DOCK2: variants seen among roughly 807,000 people sequenced by gnomAD.
The protein encoded by DOCK2 is dedicator of cytokinesis 2, also known as dedicator of cytokinesis protein 2.
Under a neutral mutation model 248.9 loss-of-function variants are expected in DOCK2, and 87 were observed. That is an observed-to-expected ratio of 0.35 (90% CI 0.29 to 0.42). The LOEUF (loss-of-function observed/expected upper bound fraction) is 0.42, where lower values mean the gene tolerates loss of function less well. Ranked by LOEUF, DOCK2 falls within the 10% of genes least tolerant of loss-of-function variation. DOCK2 has a pLI of 1.00. For synonymous variants in DOCK2, 805 were observed against 821.6 expected (o/e 0.98, Z 0.35); for missense variants, 1,747 against 2,300.2 (o/e 0.76, Z 4.92).
intron 46 of DOCK2, among the ~76,000 whole-genome samples, chr5:170,070,095 C>A (rs1341162112): frequency 1.3e-5 from 2 of 152,260 alleles, no homozygotes; most frequent in Non-Finnish European, 2.9e-5. Flanking sequence ...CCAGAGCAGC[C>A]CCCTCCTCAG....
intron 22 of DOCK2, among the ~76,000 whole-genome samples, chr5:169,742,276 G>A (rs943037296): frequency 6.6e-6 from 1 of 152,186 alleles, no homozygotes; most frequent in Non-Finnish European, 1.5e-5. Context: ...AATAGTAGCT[G>A]ACATCTGTTG....
At chr5:169,798,233 G>A (rs261587) in intron 25 of DOCK2, among the ~76,000 whole-genome samples, 83,752 of 152,032 alleles carry the variant, frequency 0.55, 24,437 homozygotes, top group East Asian at 0.79. Flanking sequence ...CCTATGTTTT[G>A]TAGAATCCTA....
At chr5:169,766,665 C>T (rs545700998) in intron 25 of DOCK2, among the ~76,000 whole-genome samples, 1 of 152,352 alleles carries the variant, frequency 6.6e-6, no homozygotes, top group African/African-American at 2.4e-5. Context: ...AATCTCCAAA[C>T]TGCTTTCCAT....
chr5:169,935,265 T>G (rs1411959674), intron 27 of DOCK2, among the ~76,000 whole-genome samples: 1 of 152,108 alleles, frequency 6.6e-6, no homozygotes, highest in African/African-American at 2.4e-5. Context: ...ATCCTCTCTT[T>G]TGTACATTAT....
intron 32 of DOCK2, among the ~76,000 whole-genome samples, chr5:170,016,965 T>G (rs1475503116): frequency 6.6e-6 from 1 of 152,228 alleles, no homozygotes. Flanking sequence ...GTAATCCAAA[T>G]GCATCATATA....
At chr5:169,724,234 A>C (rs1022667430) in intron 22 of DOCK2, among the ~76,000 whole-genome samples, 1 of 152,174 alleles carries the variant, frequency 6.6e-6, no homozygotes, top group Non-Finnish European at 1.5e-5. Flanking sequence ...CTTGGGTTTC[A>C]GTGCTAGGAA....
intron 6 of DOCK2, among the ~76,000 whole-genome samples, chr5:169,680,804 T>C (rs1345517316): frequency 6.6e-6 from 1 of 152,170 alleles, no homozygotes; most frequent in Non-Finnish European, 1.5e-5. Flanking sequence ...CCCCTACCTG[T>C]CCCCACAGAT....
intron 32 of DOCK2, among the ~76,000 whole-genome samples, chr5:170,014,015 A>T (rs1473300538): frequency 2.0e-5 from 3 of 152,114 alleles, no homozygotes; most frequent in Middle Eastern, 3.2e-3. Context: ...CTACTTAGTG[A>T]GTAAGCCAAG....
rs574553804 is a variant in DOCK2, at chr5:169,825,202, G to A, written c.2704-15555G>A. Among the ~76,000 whole-genome samples, 7 of 152,290 alleles carry A rather than the reference G, an allele frequency of 4.6e-5. No homozygotes were observed. In the South Asian group the frequency reaches 1.5e-3, roughly 32 times the overall value. ...GTAAACTAGTTCAACCATTGTGGAA[G>A]ACATTTTGGCGATTCCTCAGGGATC... On this transcript the variant is annotated intron_variant, in intron 26 of 51. Transcript: ENST00000520908.
chr5:169,781,351 G>A (rs1047066141), intron 25 of DOCK2, among the ~76,000 whole-genome samples: 11 of 152,304 alleles, frequency 7.2e-5, no homozygotes, highest in African/African-American at 2.2e-4. Context: ...CTAAGAGCTG[G>A]AAAATTTAAA....
intron 27 of DOCK2, among the ~76,000 whole-genome samples, chr5:169,848,018 G>A (rs1422268178): frequency 6.6e-6 from 1 of 152,156 alleles, no homozygotes; most frequent in Non-Finnish European, 1.5e-5. Context: ...TGGAGAGCCT[G>A]CCTTTCCTGG....
chr5:169,872,790 T>G (rs921684337), intron 27 of DOCK2, among the ~76,000 whole-genome samples: 27 of 152,208 alleles, frequency 1.8e-4, no homozygotes, highest in African/African-American at 4.3e-4. Context: ...GACCTAGTTT[T>G]GAGCCCTGGC....
At chr5:170,029,517 CCT>C (rs1756049354) in intron 34 of DOCK2, among the ~76,000 whole-genome samples, 1 of 152,134 alleles carries the variant, frequency 6.6e-6, no homozygotes, top group African/African-American at 2.4e-5. Context: ...ATAATAAGCT[CCT>C]GTGGTTATTG....
At chr5:169,969,594 A>C (rs1234667067) in intron 27 of DOCK2, among the ~76,000 whole-genome samples, 1 of 152,254 alleles carries the variant, frequency 6.6e-6, no homozygotes, top group Non-Finnish European at 1.5e-5. Context: ...ACAGCTTTGC[A>C]TGCCATTCTG....
At chr5:169,929,513 G>T (rs1775639317) in intron 27 of DOCK2, among the ~76,000 whole-genome samples, 1 of 152,094 alleles carries the variant, frequency 6.6e-6, no homozygotes, top group Admixed American at 6.5e-5. Context: ...GAGGGGGGAG[G>T]ATTGCTTGAG....
chr5:169,769,123 C>A (rs906309901), intron 25 of DOCK2, among the ~76,000 whole-genome samples: 1 of 152,206 alleles, frequency 6.6e-6, no homozygotes, highest in Non-Finnish European at 1.5e-5. Context: ...ATTTAATCTT[C>A]TTTTTGAGTC....
chr5:170,062,100 AGTGTGTGTGTGTGTGT>A (rs148650076), intron 44 of DOCK2, among the ~76,000 whole-genome samples: 10 of 144,526 alleles, frequency 6.9e-5, no homozygotes, highest in South Asian at 6.7e-4. Context: ...TATGTATATG[AGTGTGTGTGTGTGTGT>A]GTGTGTGTGT....
At chr5:169,851,631 A>G (rs186061619) in intron 27 of DOCK2, among the ~76,000 whole-genome samples, 1 of 152,316 alleles carries the variant, frequency 6.6e-6, no homozygotes, top group East Asian at 1.9e-4. Flanking sequence ...CACTGCTATA[A>G]AGAACTGCCC....
At chr5:170,011,805 C>T (rs1160329187) in intron 32 of DOCK2, among the ~76,000 whole-genome samples, 4 of 152,190 alleles carry the variant, frequency 2.6e-5, no homozygotes, top group Non-Finnish European at 5.9e-5. Context: ...TTTTTGCCCA[C>T]AGCCCTCCCC....
Sources: allele counts gnomAD v4.1 joint callset (sites outside exome capture counted in the v4.1 genomes callset), GRCh38; gene constraint gnomAD v4.1.1; transcripts MANE v1.5; gene names NCBI Gene and HGNC (gene_info 2026-07-23, HGNC 2026-07-21).